LRBA: variants seen among roughly 807,000 people sequenced by gnomAD.
LRBA encodes the protein LPS responsive beige-like anchor protein, also known as lipopolysaccharide-responsive and beige-like anchor protein.
In LRBA, 176 loss-of-function variants were observed where a neutral mutation model predicts 330.0. The observed-to-expected ratio is 0.53, with a 90% CI of 0.47 to 0.60. The LOEUF is 0.60. Among genes scored for constraint, LRBA ranks in the 20% least tolerant of loss-of-function variants. The pLI is 0.00. For missense variants in LRBA, 3,259 were observed against 3,444.8 expected (o/e 0.95, Z 1.35); for synonymous variants, 1,230 against 1,193.0 (o/e 1.03, Z -0.64).
chr4:150,754,846 T>A (rs1249665820), intron 35 of LRBA, among the ~76,000 whole-genome samples: 1 of 152,212 alleles, frequency 6.6e-6, no homozygotes, highest in Non-Finnish European at 1.5e-5. Flanking sequence ...AAAAAGCACA[T>A]GGCTCTTTAA....
At chr4:150,925,264 A>G (rs536377925) in intron 4 of LRBA, among the ~76,000 whole-genome samples, 2 of 152,252 alleles carry the variant, frequency 1.3e-5, no homozygotes, top group Admixed American at 1.3e-4. Context: ...TACTCCATGT[A>G]CTGATTCTGT....
intron 2 of LRBA, among the ~76,000 whole-genome samples, chr4:151,000,935 G>A (rs1488356264): frequency 1.3e-5 from 2 of 152,212 alleles, no homozygotes; most frequent in African/African-American, 4.8e-5. Flanking sequence ...ACAGTAAGTG[G>A]GAGACTCCCT....
chr4:150,677,400 G>A (rs1425350388), intron 37 of LRBA, among the ~76,000 whole-genome samples: 1 of 152,126 alleles, frequency 6.6e-6, no homozygotes, highest in African/African-American at 2.4e-5. Context: ...ATTTTTTAAT[G>A]TTTCAATGAG....
At chr4:150,758,566 CTT>C (rs1173295919) in intron 35 of LRBA, among the ~76,000 whole-genome samples, 64 of 136,438 alleles carry the variant, frequency 4.7e-4, no homozygotes, top group Admixed American at 1.2e-3. Flanking sequence ...TAATTGATCT[CTT>C]TGTCTTTTTT....
chr4:150,746,511 T>TTC (rs1303330542), intron 35 of LRBA, among the ~76,000 whole-genome samples: 1 of 149,436 alleles, frequency 6.7e-6, no homozygotes, highest in Admixed American at 6.6e-5. Flanking sequence ...CTCTTACTTT[T>TTC]TTTTTTTTTT....
chr4:150,505,377 T>C (rs1291620229), intron 40 of LRBA, among the ~76,000 whole-genome samples: 3 of 152,118 alleles, frequency 2.0e-5, no homozygotes, highest in African/African-American at 7.2e-5. Flanking sequence ...TATAACAAAC[T>C]GTCTCTCAGA....
chr4:150,682,911 T>C (rs770515257), intron 37 of LRBA, among the ~76,000 whole-genome samples: 7 of 152,078 alleles, frequency 4.6e-5, no homozygotes, highest in East Asian at 1.9e-4. Flanking sequence ...GGATATATAA[T>C]TTGTCCAAGT....
intron 56 of LRBA, among the ~76,000 whole-genome samples, chr4:150,274,947 G>A (rs1183769545): frequency 1.3e-5 from 2 of 152,128 alleles, no homozygotes; most frequent in Non-Finnish European, 2.9e-5. Flanking sequence ...GCATCATCCT[G>A]ATACCAAAAC....
chr4:150,734,038 T>C (rs1190227780), intron 36 of LRBA, among the ~76,000 whole-genome samples: 2 of 152,174 alleles, frequency 1.3e-5, no homozygotes, highest in African/African-American at 4.8e-5. Context: ...ACAGTGACAG[T>C]AGGTATCACT....
intron 2 of LRBA, among the ~76,000 whole-genome samples, chr4:150,996,659 C>A (rs1742676123): frequency 1.3e-5 from 2 of 152,180 alleles, no homozygotes; most frequent in Non-Finnish European, 2.9e-5. Flanking sequence ...AAGCTTATCA[C>A]TCTTAACAAT....
intron 37 of LRBA, among the ~76,000 whole-genome samples, chr4:150,647,744 C>T (rs955252560): frequency 2.6e-5 from 4 of 151,940 alleles, no homozygotes; most frequent in Non-Finnish European, 4.4e-5. Context: ...AGATGTGATG[C>T]TGAATTGTTT....
intron 2 of LRBA, among the ~76,000 whole-genome samples, chr4:150,976,478 G>A (rs773879204): frequency 5.9e-5 from 9 of 152,020 alleles, no homozygotes; most frequent in Non-Finnish European, 1.0e-4. Context: ...ATATATTAAC[G>A]TATAAATTAT....
intron 50 of LRBA, among the ~76,000 whole-genome samples, chr4:150,316,857 C>T (rs1031354090): frequency 1.3e-4 from 20 of 152,158 alleles, no homozygotes; most frequent in Admixed American, 6.5e-4. Context: ...GGACAAGGGG[C>T]GTTGGGGTTC....
chr4:150,535,983 T>C (rs193101623), intron 40 of LRBA, among the ~76,000 whole-genome samples: 1 of 152,284 alleles, frequency 6.6e-6, no homozygotes, highest in East Asian at 1.9e-4. Flanking sequence ...TTTACCTTAA[T>C]ATAACCAAGC....
intron 42 of LRBA, among the ~76,000 whole-genome samples, chr4:150,479,388 T>C (rs1757054721): frequency 2.0e-5 from 3 of 152,170 alleles, no homozygotes; most frequent in Admixed American, 2.0e-4. Flanking sequence ...AATAAAGAGA[T>C]AATTTGTAGA....
chr4:150,386,587 A>G (rs917611787), intron 47 of LRBA, among the ~76,000 whole-genome samples: 2 of 152,062 alleles, frequency 1.3e-5, no homozygotes, highest in Non-Finnish European at 1.5e-5. Flanking sequence ...TCCCTGCAAA[A>G]GACATGATCT....
At chr4:150,573,570 G>C (rs894396954) in intron 40 of LRBA, among the ~76,000 whole-genome samples, 2 of 152,100 alleles carry the variant, frequency 1.3e-5, no homozygotes, top group Non-Finnish European at 2.9e-5. Context: ...AGAACAATTA[G>C]ATCTCAATAT....
chr4:150,880,147 G>A (rs1375123161), intron 17 of LRBA, among the ~76,000 whole-genome samples: 1 of 152,186 alleles, frequency 6.6e-6, no homozygotes, highest in African/African-American at 2.4e-5. Flanking sequence ...AATGGGGAAA[G>A]GACTCCCTAT....
chr4:150,311,976 T>C (rs540911266), intron 51 of LRBA, among the ~76,000 whole-genome samples: 2 of 152,310 alleles, frequency 1.3e-5, no homozygotes, highest in South Asian at 4.1e-4. Context: ...CACTGGTTAC[T>C]GCAGTACTTT....
Sources: gnomAD v4.1 joint callset for allele counts (sites outside exome capture counted in the v4.1 genomes callset) on GRCh38, gnomAD v4.1.1 for gene constraint, MANE v1.5 for transcripts, NCBI Gene and HGNC (gene_info 2026-07-23, HGNC 2026-07-21) for gene names.